Variants in MCIDAS observed in about 807,000 individuals in gnomAD.
MCIDAS encodes multicilin.
In MCIDAS, 23 loss-of-function variants were observed where a neutral mutation model predicts 35.4. The ratio of observed to expected loss-of-function variants is 0.65; its 90% CI spans 0.47 to 0.92. The LOEUF is 0.92. MCIDAS is among the 40% of genes least tolerant of loss of function. The pLI is 0.00. For synonymous variants in MCIDAS, 228 were observed against 235.2 expected (o/e 0.97, Z 0.28); for missense variants, 480 against 531.8 (o/e 0.90, Z 0.96).
chr5:55,221,654 A>G (rs1745358944), intron 5 of MCIDAS, among the ~76,000 whole-genome samples: 1 of 152,214 alleles, frequency 6.6e-6, no homozygotes. Flanking sequence ...GGCCAGGTGC[A>G]GTGGCTCACG....
At chr5:55,225,215 G>C (rs1268572224) in intron 3 of MCIDAS, among the ~76,000 whole-genome samples, 1 of 151,962 alleles carries the variant, frequency 6.6e-6, no homozygotes, top group Admixed American at 6.6e-5. Context: ...CTCAAAAAAA[G>C]AAAAAGAAAA....
rs183568273 is a variant in MCIDAS, at chr5:55,223,080, A to G, written c.310-57T>C. On this transcript the variant is annotated intron_variant, in intron 3 of 6. Coordinates refer to ENST00000513312, the MANE Select transcript of MCIDAS (RefSeq NM_001190787.3). This position sits in a 1 kb window ranked among gnomAD's most constrained non-coding sequence, Gnocchi z 4.4. Reference sequence around the variant, plus strand: ...CGAGTCTGGCGTTAGAAAGCCTTCAATAAATATTGGCGTCCCTGTTAAAAA... The same window carrying G: ...CGAGTCTGGCGTTAGAAAGCCTTCAGTAAATATTGGCGTCCCTGTTAAAAA... 9 of 1,397,188 alleles carry G rather than the reference A, an allele frequency of 6.4e-6. No homozygotes were observed. In the East Asian group the frequency reaches 7.5e-5, roughly 12 times the overall value. 86.5% of individuals were successfully genotyped at this position (1,397,188 alleles called of 1,614,324 possible). A position where few individuals can be genotyped will look rare whatever the true frequency, so the allele number is the denominator to read the frequency against.
chr5:55,225,010 G>A (rs913431860), intron 3 of MCIDAS, among the ~76,000 whole-genome samples: 1 of 152,082 alleles, frequency 6.6e-6, no homozygotes, highest in Non-Finnish European at 1.5e-5. Flanking sequence ...GACCAGCTTG[G>A]GTGACATGGC....
rs1745319067 is a variant in MCIDAS, at chr5:55,219,938, A to C, written c.*428T>G. ...CCAGAAACCAGGCTTCTGGGCCTAG[A>C]GTCCTTAAGTGACTAGTTAAAGTGA... On this transcript the variant is annotated 3_prime_UTR_variant, in exon 7 of 7. Transcript: ENST00000513312. 6.5e-6 allele frequency: 1 copy of C among 153,742 alleles called. No homozygotes were observed. Among genetic ancestry groups the C allele is most frequent in the South Asian group, 2.0e-4 (1 of 4,914 alleles). 9.5% of individuals were successfully genotyped at this position (153,742 alleles called of 1,614,324 possible).
At position 55,222,249 on chromosome 5, in the gene MCIDAS, G is replaced by A. The variant is rs1745372937; in HGVS notation, c.533C>T (p.Pro178Leu). The A allele has an allele frequency of 6.5e-7, 1 of 1,535,970 alleles. No homozygotes were observed. Among genetic ancestry groups the A allele is most frequent in the Non-Finnish European group, 8.7e-7 (1 of 1,146,930 alleles). ...CGCCACCTCCTTCCAGTATTGCTCA[G>A]GCGGGGGCACGTCTGGAGGGCGCAG... Reference protein sequence around the residue: ...PPLRPPDVPPPEQYWKEVADQ... With the variant: ...PPLRPPDVPPLEQYWKEVADQ... The change falls in exon 5 of 7, where the codon CCT becomes CTT. Residue 178 changes from proline (P) to leucine (L), a missense_variant. Transcript: ENST00000513312.
At position 55,226,895 on chromosome 5, in the gene MCIDAS, C is replaced by G; in HGVS notation, c.157G>C (p.Gly53Arg). 7.0e-7 allele frequency: 1 copy of G among 1,418,684 alleles called. No individual in the cohort carries two copies. The highest frequency in any genetic ancestry group is 2.9e-5 in the Admixed American group (1 of 34,666). 87.9% of individuals were successfully genotyped at this position (1,418,684 alleles called of 1,614,324 possible). The change falls in exon 2 of 7, where the codon GGC (glycine) becomes CGC (arginine). Residue 53 changes from glycine to arginine, a missense_variant. Transcript: ENST00000513312. ...TCGTACACCGACACCGGGCTCCCGC[C>G]TGTGCATCCGGGGAAGAACTTCCGC... ...PPRKFFPGCTGGSPVSVYEDP... is the reference protein window; with the variant it reads ...PPRKFFPGCTRGSPVSVYEDP...
rs1264388343 is a variant in MCIDAS, at chr5:55,220,311, C to T, written c.*55G>A. The T allele has an allele frequency of 1.4e-6, 2 of 1,474,676 alleles. No individual in the cohort carries two copies. Among genetic ancestry groups the T allele is most frequent in the Non-Finnish European group, 1.8e-6 (2 of 1,109,340 alleles). The allele number at this position is 1,474,676 out of a possible 1,614,324, so 91.3% of individuals were successfully genotyped here. A position where few individuals can be genotyped will look rare whatever the true frequency, so the allele number is the denominator to read the frequency against. On this transcript the variant is annotated 3_prime_UTR_variant, in exon 7 of 7. Transcript: ENST00000513312. ...ACCTGAAGGCAAAGTTCTGGGAAGC[C>T]CCCAGGCACTTCAGTGGAAACACAG...
In MCIDAS at chr5:55,220,705, C is replaced by T; in HGVS notation, c.819G>A (p.Ala273=). The T allele has an allele frequency of 1.3e-6, 2 of 1,536,058 alleles. No individual in the cohort carries two copies. The highest frequency in any genetic ancestry group is 1.7e-6 in the Non-Finnish European group (2 of 1,146,832). Residue 273 remains alanine, a synonymous_variant, in exon 7 of 7, where the codon GCG becomes GCA. Transcript: ENST00000513312. The stretch of plus-strand genomic sequence containing the variant: ...CGTCCACTTCCGCGCAATCCTGCCC[C>T]GCAGCGCTGACCAACTCCTCCAGGC... ...KRSLEELVSA[A]GQDCAEVDAI...
rs1745470896 is a variant in MCIDAS, at chr5:55,227,024, T to C, written c.115A>G (p.Arg39Gly). 10 of 1,519,786 alleles carry C rather than the reference T, an allele frequency of 6.6e-6. No individual in the cohort carries two copies. The highest frequency in any genetic ancestry group is 7.0e-6 in the Non-Finnish European group (8 of 1,140,196). The allele number at this position is 1,519,786 out of a possible 1,614,324, so 94.1% of individuals were successfully genotyped here. A position where few individuals can be genotyped will look rare whatever the true frequency, so the allele number is the denominator to read the frequency against. ...ALLCKPGKPERKFAPPRKFFP... is the reference protein window; with the variant it reads ...ALLCKPGKPEGKFAPPRKFFP... ...GCCCGAATCAACCGCCCCACCTTCC[T>C]CTCCGGCTTCCCCGGCTTGCAGAGC... The change falls in exon 1 of 7, where the codon AGG becomes GGG. Residue 39 changes from arginine (R) to glycine (G), a missense_variant. By Grantham distance (125) the Arg-to-Gly change is moderately radical (BLOSUM62 -2). Transcript: ENST00000513312.
chr5:55,226,953 G>C, intron 1 of MCIDAS, 22 bp from the exon 2 acceptor site: 1 of 1,481,814 alleles, frequency 6.7e-7, no homozygotes, highest in Non-Finnish European at 8.9e-7. Context: ...CACAAACGTT[G>C]AACGCGGGTC....
intron 3 of MCIDAS, among the ~76,000 whole-genome samples, chr5:55,224,139 C>A (rs1290738317): frequency 6.6e-6 from 1 of 152,036 alleles, no homozygotes; most frequent in East Asian, 1.9e-4. Context: ...GGAATAGGGC[C>A]TCCTGCCTCC....
chr5:55,227,187 CTGG>C lies in MCIDAS; in HGVS notation c.-52_-50del. On this transcript the variant is annotated 5_prime_UTR_variant, in exon 1 of 7. Coordinates refer to ENST00000513312, the MANE Select transcript of MCIDAS (RefSeq NM_001190787.3). Reference sequence around the variant, plus strand: ...GACTGCTCGGAGGCGGCGGCCCGGGCTGGGGCAGCGATCCACACCCTGCACTCC... The same window carrying C: ...GACTGCTCGGAGGCGGCGGCCCGGGCGGCAGCGATCCACACCCTGCACTCC... 1.4e-6 allele frequency: 2 copies of C among 1,403,088 alleles called. No individual in the cohort carries two copies. The highest frequency in any genetic ancestry group is 5.9e-5 in the East Asian group (2 of 33,670). The allele number at this position is 1,403,088 out of a possible 1,614,324, so 86.9% of individuals were successfully genotyped here.
Position 55,226,617 on chromosome 5 carries a change from C to T in MCIDAS, c.268G>A (p.Gly90Arg), listed in dbSNP as rs1251186024. Residue 90 changes from glycine to arginine, a missense_variant, in exon 3 of 7, where the codon GGG becomes AGG. Coordinates refer to ENST00000513312, the MANE Select transcript of MCIDAS (RefSeq NM_001190787.3). ...QDLADCSSLL[G>R]SDAPPGGDLA... ...TCACCACCAGGCGGCGCGTCGGACC[C>T]GAGTAGCGAAGAGCAGTCAGCGAGG... 2.6e-6 allele frequency: 4 copies of T among 1,532,374 alleles called. No homozygotes were observed. The highest frequency in any genetic ancestry group is 1.7e-4 in the Middle Eastern group (1 of 5,990). 94.9% of individuals were successfully genotyped at this position (1,532,374 alleles called of 1,614,324 possible).
chr5:55,226,747 C>T (rs932642811), intron 2 of MCIDAS, 80 bp from the exon 3 acceptor site: 3 of 1,406,920 alleles, frequency 2.1e-6, no homozygotes, highest in Admixed American at 3.1e-5. Context: ...CGTCAGAGCC[C>T]GGGGGAGAGA....
intron 5 of MCIDAS, 64 bp downstream of exon 5, chr5:55,222,112 C>T (rs1253030706): frequency 2.0e-6 from 3 of 1,478,944 alleles, no homozygotes; most frequent in African/African-American, 2.8e-5. Flanking sequence ...TTGCAAACCC[C>T]ACTTCCACCC....
At chr5:55,224,868 TC>T (rs1484027423) in intron 3 of MCIDAS, among the ~76,000 whole-genome samples, 1 of 152,140 alleles carries the variant, frequency 6.6e-6, no homozygotes, top group Non-Finnish European at 1.5e-5. Context: ...CCAGGAAAAT[TC>T]CTGGATTTTT....
rs1265955081 is a variant in MCIDAS at position 55,220,764 on chromosome 5, C to T, written c.760G>A (p.Glu254Lys). The T allele has an allele frequency of 3.3e-6, 5 of 1,533,754 alleles. No individual in the cohort carries two copies. In the East Asian group the frequency reaches 9.8e-5, roughly 30 times the overall value. ...TQSRDCGAAA[E>K]PFLLKAKAKR... ...GCCTTCGCCTTGAGCAGGAAGGGCT[C>T]GGCCGCCGCCCCACAATCCCGGGAC... is the stretch of plus-strand genomic sequence containing the variant. The change falls in exon 7 of 7, where the codon GAG becomes AAG. Residue 254 changes from glutamate to lysine, a missense_variant. Glu to Lys is a moderately conservative substitution (Grantham distance 56). Coordinates refer to ENST00000513312, the MANE Select transcript of MCIDAS (RefSeq NM_001190787.3).
chr5:55,223,201 C>A lies in MCIDAS; in HGVS notation c.310-178G>T, dbSNP rs927779535. Among the ~76,000 whole-genome samples the A allele has an allele frequency of 4.7e-4, 71 of 152,040 alleles. No homozygotes were observed. Among genetic ancestry groups the A allele is most frequent in the Non-Finnish European group, 9.1e-4 (62 of 67,962 alleles). On this transcript the variant is annotated intron_variant, in intron 3 of 6. Coordinates refer to ENST00000513312, the MANE Select transcript of MCIDAS (RefSeq NM_001190787.3). The surrounding 1 kb of genome is among the most constrained non-coding windows in gnomAD (Gnocchi z 4.4). Reference sequence around the variant, plus strand: ...ACAATTTTTGTGGCGGGTCCGGAACCCTTTCTAGACCAACAGACCTCCTCC... The same window carrying A: ...ACAATTTTTGTGGCGGGTCCGGAACACTTTCTAGACCAACAGACCTCCTCC...
At chr5:55,224,309 A>T (rs1745417281) in intron 3 of MCIDAS, among the ~76,000 whole-genome samples, 2 of 151,990 alleles carry the variant, frequency 1.3e-5, no homozygotes, top group Non-Finnish European at 2.9e-5. Flanking sequence ...CTGTTGATTC[A>T]TTCCTTTGCG....
Sources: gnomAD v4.1 joint callset for allele counts (sites outside exome capture counted in the v4.1 genomes callset) on GRCh38, gnomAD v4.1.1 for gene constraint, Gnocchi (gnomAD v3.1) non-coding constraint, MANE v1.5 for transcripts, NCBI Gene and HGNC (gene_info 2026-07-23, HGNC 2026-07-21) for gene names.